The following WNK2 variants were observed in gnomAD, a reference collection of about 807,000 sequenced individuals.
WNK2 encodes the protein serine/threonine-protein kinase WNK2.
Under a neutral mutation model 192.1 loss-of-function variants are expected in WNK2, and 67 were observed. The observed-to-expected ratio is 0.35, with a 90% confidence interval of 0.29 to 0.43. WNK2 has a LOEUF of 0.43. Ranked by LOEUF, WNK2 falls within the 20% of genes least tolerant of loss-of-function variation. WNK2 has a pLI of 1.00. For synonymous variants in WNK2, 1,439 were observed against 1,393.9 expected (o/e 1.03, Z -0.72); for missense variants, 2,698 against 3,089.7 (o/e 0.87, Z 3.01).
Position 93,259,120 on chromosome 9 carries a change from G to T in WNK2, c.2572G>T (p.Ala858Ser). The T allele has an allele frequency of 6.2e-7, 1 of 1,611,804 alleles. No individual in the cohort carries two copies. The highest frequency in any genetic ancestry group is 1.1e-5 in the South Asian group (1 of 91,012). ...PPASPALPLQ[A>S]VKLPHPPGAP... is the part of the protein sequence containing the mutation. ...TGCGTCCCCAGCCTTGCCTCTGCAGGCTGTGAAGCTGCCCCACCCCCCTGG... is the reference window on the plus strand; with the variant it reads ...TGCGTCCCCAGCCTTGCCTCTGCAGTCTGTGAAGCTGCCCCACCCCCCTGG... The change falls in exon 12 of 30, where the codon GCT becomes TCT. Residue 858 changes from alanine to serine, a missense_variant. Coordinates refer to ENST00000427277, the MANE Select transcript of WNK2 (RefSeq NM_006648.4). This position sits in a 1 kb window ranked among gnomAD's most constrained non-coding sequence, Gnocchi z 4.8.
Position 93,288,915 on chromosome 9 carries a change from C to A in WNK2, c.4161C>A (p.Ser1387=). Residue 1387 remains serine, a synonymous_variant, in exon 20 of 30, where the codon TCC becomes TCA. Transcript: ENST00000427277. ...PGAPPAPLAP[S]SPPVTALPQD... ...CACCCCCAGCCCCTTTGGCCCCCTC[C>A]TCCCCTCCTGTGACTGCTCTGCCCC... 1 of 1,607,286 alleles carries A rather than the reference C, an allele frequency of 6.2e-7. No individual in the cohort carries two copies. Among genetic ancestry groups the A allele is most frequent in the East Asian group, 2.2e-5 (1 of 44,684 alleles).
Position 93,305,659 on chromosome 9 carries a change from C to T in WNK2, c.6215-1118C>T, listed in dbSNP as rs958777168. Among the ~76,000 whole-genome samples, 18 of 152,240 alleles carry T rather than the reference C, an allele frequency of 1.2e-4. No individual in the cohort carries two copies. In the East Asian group the frequency reaches 1.3e-3, roughly 11 times the overall value. ...GCCGAGCTTGGGCCAAGGAGCTGGA[C>T]GACAAGTTGCCCGCTGTCCCCCGAG... On this transcript the variant is annotated intron_variant, in intron 26 of 29. Coordinates refer to ENST00000427277, the MANE Select transcript of WNK2 (RefSeq NM_006648.4).
At chr9:93,263,426 C>T in intron 14 of WNK2, 140 bp from the exon 15 acceptor site, 12 of 946,276 alleles carry the variant, frequency 1.3e-5, no homozygotes, top group South Asian at 7.5e-5. Flanking sequence ...TTGGGGTATT[C>T]GCACAGGACG....
chr9:93,256,882 A>T, intron 10 of WNK2, 66 bp from the exon 11 acceptor site: 1 of 1,424,654 alleles, frequency 7.0e-7, no homozygotes, highest in South Asian at 1.3e-5. Flanking sequence ...TGTCATGTGT[A>T]ACCAGTGGGG....
At chr9:93,237,124 G>A (rs1415752774) in intron 5 of WNK2, among the ~76,000 whole-genome samples, 1 of 152,214 alleles carries the variant, frequency 6.6e-6, no homozygotes, top group Non-Finnish European at 1.5e-5. Context: ...GTGGGGAGGG[G>A]AGATTTGGAA....
At chr9:93,263,183 C>T in intron 14 of WNK2, 2 of 394,302 alleles carry the variant, frequency 5.1e-6, no homozygotes, top group East Asian at 5.7e-5. Flanking sequence ...GGGTGCTGGG[C>T]ACTGCCTGGG....
chr9:93,209,230 A>G (rs962116956), intron 2 of WNK2, among the ~76,000 whole-genome samples: 3 of 152,136 alleles, frequency 2.0e-5, no homozygotes, highest in Non-Finnish European at 4.4e-5. Flanking sequence ...TACAGAGTCC[A>G]TGGCGATCTC....
At chr9:93,292,281 C>G in intron 21 of WNK2, 27 bp from the exon 22 acceptor site, 2 of 1,612,212 alleles carry the variant, frequency 1.2e-6, no homozygotes, top group Non-Finnish European at 1.7e-6. Flanking sequence ...TCCTTCAGCC[C>G]CAGTAACGTT....
Position 93,289,557 on chromosome 9 carries a change from C to A in WNK2, c.4803C>A (p.Asp1601Glu), listed in dbSNP as rs7855532. The change falls in exon 20 of 30, where the codon GAC becomes GAA. Residue 1601 changes from aspartate (D) to glutamate (E), a missense_variant. By Grantham distance (45) the Asp-to-Glu change is conservative (BLOSUM62 2). Transcript: ENST00000427277. ...CCCGCTCAGAGGTCTGCGGGGGGGACCTGGCCCTGCCCCCAGTGCCTAAGG... is the reference window on the plus strand; with the variant it reads ...CCCGCTCAGAGGTCTGCGGGGGGGAACTGGCCCTGCCCCCAGTGCCTAAGG... Reference protein sequence around the residue: ...DQPRSEVCGGDLALPPVPKEA... With the variant: ...DQPRSEVCGGELALPPVPKEA... 3.3e-3 allele frequency: 5,050 copies of A among 1,553,362 alleles called. 93 individuals carry two copies. In the East Asian group the frequency reaches 0.041, roughly 13 times the overall value.
chr9:93,274,283 C>T (rs538252222), intron 19 of WNK2, among the ~76,000 whole-genome samples: 36 of 152,184 alleles, frequency 2.4e-4, no homozygotes, highest in African/African-American at 7.5e-4. Flanking sequence ...AGCACTTTGG[C>T]GGGTGGATCA....
At chr9:93,200,816 G>C (rs1429664248) in intron 2 of WNK2, among the ~76,000 whole-genome samples, 1 of 152,154 alleles carries the variant, frequency 6.6e-6, no homozygotes, top group Non-Finnish European at 1.5e-5. Context: ...GCATGAAAGT[G>C]AATAAACTTG....
At chr9:93,251,141 G>A (rs1210969035) in intron 8 of WNK2, among the ~76,000 whole-genome samples, 2 of 141,682 alleles carry the variant, frequency 1.4e-5, no homozygotes, top group African/African-American at 5.2e-5. Flanking sequence ...TTTGAGACAG[G>A]GTCTCGCTCT....
At chr9:93,235,063 C>A (rs1316850673) in intron 5 of WNK2, 98 bp downstream of exon 5, 6 of 1,462,556 alleles carry the variant, frequency 4.1e-6, no homozygotes, top group Non-Finnish European at 1.9e-6. Context: ...GCCATCCTGG[C>A]AGCTGTGTAA....
At chr9:93,308,947 G>T in intron 28 of WNK2, 1 of 1,095,096 alleles carries the variant, frequency 9.1e-7, no homozygotes, top group Non-Finnish European at 1.1e-6. Context: ...TTCTGTTTGT[G>T]CCCAGGCTGG....
intron 2 of WNK2, among the ~76,000 whole-genome samples, chr9:93,189,533 G>A (rs537342608): frequency 1.3e-5 from 2 of 152,318 alleles, no homozygotes; most frequent in East Asian, 1.9e-4. Flanking sequence ...TGCCCCAGCC[G>A]GGTGTCTCAG....
chr9:93,185,675 T>C (rs1207418861), intron 2 of WNK2, 65 bp downstream of exon 2: 2 of 1,539,914 alleles, frequency 1.3e-6, no homozygotes, highest in Non-Finnish European at 8.8e-7. Flanking sequence ...TCCTTGGGCC[T>C]GTCCTTGCTC....
At chr9:93,268,280 C>T (rs1845481321) in intron 18 of WNK2, among the ~76,000 whole-genome samples, 1 of 152,192 alleles carries the variant, frequency 6.6e-6, no homozygotes, top group Non-Finnish European at 1.5e-5. Context: ...TCCCAGGAAC[C>T]AAGCCTACGC....
chr9:93,319,241 A>G (rs2134506971), intron 29 of WNK2: 4 of 1,589,116 alleles, frequency 2.5e-6, no homozygotes, highest in Non-Finnish European at 3.4e-6. Context: ...CTTACCCTCT[A>G]TCCATATAAA....
intron 1 of WNK2, 155 bp from the exon 2 acceptor site, chr9:93,184,773 C>T: frequency 1.7e-6 from 1 of 598,124 alleles, no homozygotes; most frequent in Non-Finnish European, 2.4e-6. Context: ...CTGCAGCCCC[C>T]CTTTCCCAGG....
Sources: allele counts gnomAD v4.1 joint callset (sites outside exome capture counted in the v4.1 genomes callset), GRCh38; gene constraint gnomAD v4.1.1; non-coding constraint Gnocchi (gnomAD v3.1); transcripts MANE v1.5; gene names NCBI Gene and HGNC (gene_info 2026-07-23, HGNC 2026-07-21).